The following ZBED4 variants were observed in gnomAD, a reference collection of about 807,000 sequenced individuals.
ZBED4 encodes zinc finger BED-type containing 4.
ZBED4 carries 4 observed loss-of-function variants against 15.5 expected under a neutral mutation model. The observed-to-expected ratio is 0.26, with a 90% confidence interval of 0.13 to 0.59. ZBED4 has a LOEUF of 0.59. ZBED4 is among the 20% of genes least tolerant of loss of function. The pLI, the probability that ZBED4 is intolerant of heterozygous loss-of-function variation, is 0.90. For missense variants in ZBED4, 1,323 were observed against 1,461.8 expected (o/e 0.91, Z 1.55); for synonymous variants, 692 against 608.5 (o/e 1.14, Z -2.02).
chr22:49,877,676 C>G (rs1375118820), intron 1 of ZBED4, among the ~76,000 whole-genome samples: 1 of 152,068 alleles, frequency 6.6e-6, no homozygotes, highest in Non-Finnish European at 1.5e-5. Context: ...ATATCCATAT[C>G]CATATAGTAT....
chr22:49,875,700 C>T lies in ZBED4; in HGVS notation c.-329-7634C>T, dbSNP rs546534040. Among the ~76,000 whole-genome samples, 9 of 152,164 alleles carry T rather than the reference C, an allele frequency of 5.9e-5. No homozygotes were observed. In the East Asian group the frequency reaches 1.2e-3, roughly 20 times the overall value. ...CCTCCCAAAGAGCTGGGATTACAGG[C>T]GTGAGTCACCCCGCCCAGCTTGTCC... On this transcript the variant is annotated intron_variant, in intron 1 of 1. Transcript: ENST00000216268.
At chr22:49,881,477 T>C (rs1423329538) in intron 1 of ZBED4, among the ~76,000 whole-genome samples, 2 of 152,200 alleles carry the variant, frequency 1.3e-5, no homozygotes, top group African/African-American at 2.4e-5. Flanking sequence ...CCTCAAACTT[T>C]TGGGTTCAAA....
intron 1 of ZBED4, among the ~76,000 whole-genome samples, chr22:49,877,015 G>T (rs1471579664): frequency 1.3e-5 from 2 of 152,224 alleles, no homozygotes; most frequent in Middle Eastern, 3.4e-3. Flanking sequence ...ATAATTCCAA[G>T]AACAGTTTTT....
chr22:49,878,035 TG>T (rs1389429425), intron 1 of ZBED4, among the ~76,000 whole-genome samples: 2 of 152,180 alleles, frequency 1.3e-5, no homozygotes, highest in African/African-American at 4.8e-5. Flanking sequence ...CCAGGCGTGG[TG>T]GCTCATGCCT....
At chr22:49,858,843 T>C (rs906798342) in intron 1 of ZBED4, among the ~76,000 whole-genome samples, 1 of 152,158 alleles carries the variant, frequency 6.6e-6, no homozygotes, top group Non-Finnish European at 1.5e-5. Context: ...TCACAGTGGC[T>C]GTGAGGTCTC....
chr22:49,853,652 C>G (rs1012909647), upstream of ZBED4, among the ~76,000 whole-genome samples: 3 of 151,758 alleles, frequency 2.0e-5, no homozygotes, highest in African/African-American at 7.2e-5. Context: ...GGAGCCGAAG[C>G]GCGCATTGCG....
In ZBED4 at chr22:49,884,561, A is replaced by T; in HGVS notation, c.899A>T (p.Asp300Val). The T allele has an allele frequency of 6.2e-7, 1 of 1,613,394 alleles. No individual in the cohort carries two copies. The highest frequency in any genetic ancestry group is 8.5e-7 in the Non-Finnish European group (1 of 1,179,616). Residue 300 changes from aspartate (D) to valine (V), a missense_variant, in exon 2 of 2, where the codon GAC becomes GTC. Asp to Val is a radical substitution (Grantham distance 152). Around this residue, in one of 6 missense-constraint regions of ZBED4, gnomAD observed 380 missense variants for 413.7 expected, o/e 0.92. Transcript: ENST00000216268. The part of the protein sequence containing the change: ...VWKHFYLSPL[D>V]NSKAVCIHCM... ...AAGCACTTCTACCTGTCGCCACTGG[A>T]CAACTCCAAAGCTGTCTGCATTCAC...
intron 1 of ZBED4, among the ~76,000 whole-genome samples, chr22:49,872,808 G>A (rs982560618): frequency 4.0e-5 from 6 of 151,728 alleles, no homozygotes; most frequent in East Asian, 3.9e-4. Context: ...AGGTTCAAGC[G>A]AATTCTCCTG....
chr22:49,868,715 G>A (rs191683056), intron 1 of ZBED4, among the ~76,000 whole-genome samples: 188 of 152,276 alleles, frequency 1.2e-3, no homozygotes, highest in Admixed American at 1.9e-3. Context: ...GGTGGCCTGG[G>A]TTAGTAATTC....
intron 1 of ZBED4, among the ~76,000 whole-genome samples, chr22:49,874,095 T>A (rs980341830): frequency 3.6e-4 from 55 of 152,212 alleles, no homozygotes; most frequent in Admixed American, 1.1e-3. Context: ...GGCCCTGTCG[T>A]CTGCCCATCA....
In ZBED4 at chr22:49,864,942, C is replaced by CG. The variant is rs1569158185; in HGVS notation, c.-330+10953_-330+10954insG. Reference sequence around the variant, plus strand: ...ATGGGGTTCTATCCCAGCAAGCCCCCCCCCCCCCCCGTGAAGTCAGAAACC... The same window carrying CG: ...ATGGGGTTCTATCCCAGCAAGCCCCCGCCCCCCCCCCGTGAAGTCAGAAACC... On this transcript the variant is annotated intron_variant, in intron 1 of 1. Coordinates refer to ENST00000216268, the MANE Select transcript of ZBED4 (RefSeq NM_014838.3). Among the ~76,000 whole-genome samples the CG allele has an allele frequency of 9.4e-4, 9 of 9,548 alleles. 3 individuals carry two copies. Among genetic ancestry groups the CG allele is most frequent in the African/African-American group, 1.8e-3 (7 of 3,932 alleles). 6.3% of individuals were successfully genotyped at this position (9,548 alleles called of 152,430 possible). A position where few individuals can be genotyped will look rare whatever the true frequency, so the allele number is the denominator to read the frequency against.
chr22:49,859,947 A>T (rs1230570844), intron 1 of ZBED4, among the ~76,000 whole-genome samples: 1 of 147,142 alleles, frequency 6.8e-6, no homozygotes, highest in African/African-American at 2.6e-5. Context: ...GGATCACTTG[A>T]GCTCAGGAGT....
chr22:49,871,194 G>A (rs1371915773), intron 1 of ZBED4, among the ~76,000 whole-genome samples: 2 of 152,112 alleles, frequency 1.3e-5, no homozygotes, highest in Admixed American at 6.5e-5. Context: ...ACAGGCGTGA[G>A]TCACTGTGCC....
At chr22:49,876,814 G>A (rs2060378504) in intron 1 of ZBED4, among the ~76,000 whole-genome samples, 1 of 152,036 alleles carries the variant, frequency 6.6e-6, no homozygotes, top group Non-Finnish European at 1.5e-5. Flanking sequence ...TTTTAGTAGT[G>A]GTATTTCCAT....
chr22:49,869,364 C>A (rs1311533947), intron 1 of ZBED4, among the ~76,000 whole-genome samples: 1 of 152,204 alleles, frequency 6.6e-6, no homozygotes, highest in Non-Finnish European at 1.5e-5. Context: ...TGGTTATCCA[C>A]CTCGGGCCTT....
At chr22:49,859,030 C>A (rs912458040) in intron 1 of ZBED4, among the ~76,000 whole-genome samples, 6 of 152,216 alleles carry the variant, frequency 3.9e-5, no homozygotes, top group Middle Eastern at 3.4e-3. Flanking sequence ...CCCTGCCCCC[C>A]ACAGTTGGCG....
At position 49,880,604 on chromosome 22, in the gene ZBED4, A is replaced by G. The variant is rs2147538953; in HGVS notation, c.-329-2730A>G. On this transcript the variant is annotated intron_variant, in intron 1 of 1. Coordinates refer to ENST00000216268, the MANE Select transcript of ZBED4 (RefSeq NM_014838.3). ...TTTCGTGCACGGCGTCTGGCTTATG[A>G]GTTGTCTGAGGTCAACCTGGTTTCC... 2.0e-5 allele frequency among the ~76,000 whole-genome samples: 3 copies of G among 152,306 alleles called. 1 individual carries two copies. Among genetic ancestry groups the G allele is most frequent in the Admixed American group, 2.0e-4 (3 of 15,296 alleles).
chr22:49,869,975 C>G lies in ZBED4; in HGVS notation c.-329-13359C>G, dbSNP rs114027411. Among the ~76,000 whole-genome samples, 446 of 152,254 alleles carry G rather than the reference C, an allele frequency of 2.9e-3. 1 individual carries two copies. Among genetic ancestry groups the G allele is most frequent in the African/African-American group, 9.8e-3 (405 of 41,538 alleles). On this transcript the variant is annotated intron_variant, in intron 1 of 1. Transcript: ENST00000216268. ...CTTGTCCCCTCCTCCCTTCCTCCCT[C>G]CCTCACTCCTCACTCTCGCAGTCCC... is the stretch of plus-strand genomic sequence containing the variant.
rs145325865 is a variant in ZBED4, at chr22:49,879,227, C to T, written c.-329-4107C>T. On this transcript the variant is annotated intron_variant, in intron 1 of 1. Coordinates refer to ENST00000216268, the MANE Select transcript of ZBED4 (RefSeq NM_014838.3). ...GTAACTTGCGCCTCCCGGGTTCAAGCGATTCTCCTGCCTCAGCCTCCCGAG... is the reference window on the plus strand; with the variant it reads ...GTAACTTGCGCCTCCCGGGTTCAAGTGATTCTCCTGCCTCAGCCTCCCGAG... 9.6e-3 allele frequency among the ~76,000 whole-genome samples: 1,455 copies of T among 151,112 alleles called. 17 individuals are homozygous for T. The highest frequency in any genetic ancestry group is 0.068 in the South Asian group (322 of 4,756).
Sources: gnomAD v4.1 joint callset for allele counts (sites outside exome capture counted in the v4.1 genomes callset) on GRCh38, gnomAD v4.1.1 for gene constraint, gnomAD v4.1.1 regional missense constraint, MANE v1.5 for transcripts, NCBI Gene and HGNC (gene_info 2026-07-23, HGNC 2026-07-21) for gene names.